The following EEF2 variants were observed in gnomAD, a reference collection of about 807,000 sequenced individuals.
EEF2 encodes eukaryotic translation elongation factor 2.
EEF2 carries 21 observed loss-of-function variants against 85.3 expected under a neutral mutation model. The observed-to-expected ratio is 0.25, with a 90% CI of 0.17 to 0.35. The LOEUF (loss-of-function observed/expected upper bound fraction) is 0.35, where lower values mean the gene tolerates loss of function less well. Ranked by LOEUF, EEF2 falls within the 10% of genes least tolerant of loss-of-function variation. The pLI is 1.00. For missense variants in EEF2, 825 were observed against 1,225.3 expected, an observed-to-expected ratio of 0.67 and a Z score of 4.88; for synonymous variants, 723 against 508.8, an observed-to-expected ratio of 1.42 and a Z score of -5.67.
chr19:3,979,481 ACAGGCGGGAC>A (rs2039718718), intron 10 of EEF2, 45 bp from the exon 11 acceptor site: 2 of 1,540,348 alleles, frequency 1.3e-6, no homozygotes, highest in African/African-American at 2.7e-5. Flanking sequence ...GCGGCTCGGA[ACAGGCGGGAC>A]CAGGCTCCCA....
At position 3,977,577 on chromosome 19, in the gene EEF2, G is replaced by A. The variant is rs1313275839; in HGVS notation, c.2101C>T (p.Arg701Cys). 1.1e-5 allele frequency: 17 copies of A among 1,558,036 alleles called. No homozygotes were observed. The highest frequency in any genetic ancestry group is 6.0e-5 in the South Asian group (5 of 83,552). Reference sequence around the variant, plus strand: ...AGGGTGACGTCGTGGACGTCGAAGCGCACACCCCGCATGTTCTCCTCACAC... The same window carrying A: ...AGGGTGACGTCGTGGACGTCGAAGCACACACCCCGCATGTTCTCCTCACAC... Reference protein sequence around the residue: ...ALCEENMRGVRFDVHDVTLHA... With the variant: ...ALCEENMRGVCFDVHDVTLHA... The change falls in exon 13 of 15, where the codon CGC becomes TGC. Residue 701 changes from arginine (R) to cysteine (C), a missense_variant. By Grantham distance (180) the Arg-to-Cys change is radical. Transcript: ENST00000309311. This position sits in a 1 kb window ranked among gnomAD's most constrained non-coding sequence, Gnocchi z 5.4.
chr19:3,983,741 C>G, intron 2 of EEF2: 2 of 321,930 alleles, frequency 6.2e-6, no homozygotes, highest in South Asian at 6.9e-5. Context: ...TCTGCGCTCC[C>G]CCTACTCATA....
rs1319502439 is a variant in EEF2, at chr19:3,979,668, T to C, written c.1605+140A>G. 3.0e-6 allele frequency: 4 copies of C among 1,349,646 alleles called. No homozygotes were observed. The Admixed American group carries it at 8.3e-5, about 28-fold the overall frequency. 83.6% of individuals were successfully genotyped at this position (1,349,646 alleles called of 1,614,324 possible). On this transcript the variant is annotated intron_variant, in intron 10 of 14. Coordinates refer to ENST00000309311, the MANE Select transcript of EEF2 (RefSeq NM_001961.4). ...GGCTGCCTGGGCAGGAGTCTCCATT[T>C]ACAGCCACAGCCAAGAACCCCTCCT...
intron 2 of EEF2, 77 bp downstream of exon 2, chr19:3,984,059 G>A (rs1257535498): frequency 2.5e-5 from 38 of 1,520,402 alleles, no homozygotes; most frequent in South Asian, 1.2e-4. Context: ...GTCTCTCCCC[G>A]CGCACCCTGG....
At chr19:3,979,769 T>A in intron 10 of EEF2, 39 bp downstream of exon 10, 2 of 1,596,640 alleles carry the variant, frequency 1.3e-6, no homozygotes, top group Non-Finnish European at 8.5e-7. Context: ...CCGTCCCCCC[T>A]CAGGGTGTCT....
rs770108129 is a variant in EEF2 at position 3,981,426 on chromosome 19, C to T, written c.924G>A (p.Lys308=). Residue 308 remains lysine, a synonymous_variant, in exon 7 of 15, where the codon AAG becomes AAA. Transcript: ENST00000309311. The stretch of plus-strand genomic sequence containing the variant: ...CTATCAGTTTTGCTGTCTCCTCTTT[C>T]TTGAAATTCATGATCGCATCAAACA... ...FKVFDAIMNF[K]KEETAKLIEK... 5 of 1,614,196 alleles carry T rather than the reference C, an allele frequency of 3.1e-6. No homozygotes were observed. Among genetic ancestry groups the T allele is most frequent in the Non-Finnish European group, 4.2e-6 (5 of 1,180,028 alleles).
In EEF2 at chr19:3,977,115, C is replaced by A. The variant is rs2039688067; in HGVS notation, c.2383+100G>T. 7 of 1,513,308 alleles carry A rather than the reference C, an allele frequency of 4.6e-6. No individual in the cohort carries two copies. Among genetic ancestry groups the A allele is most frequent in the South Asian group, 1.2e-5 (1 of 80,086 alleles). 93.7% of individuals were successfully genotyped at this position (1,513,308 alleles called of 1,614,324 possible). A position where few individuals can be genotyped will look rare whatever the true frequency, so the allele number is the denominator to read the frequency against. ...ACCTGCTCCATCCATCACCTGCTCC[C>A]ATCAGGACGCCTCCTTTAACACCTT... is the stretch of plus-strand genomic sequence containing the variant. On this transcript the variant is annotated intron_variant, in intron 14 of 14. Coordinates refer to ENST00000309311, the MANE Select transcript of EEF2 (RefSeq NM_001961.4). The surrounding 1 kb of genome is among the most constrained non-coding windows in gnomAD (Gnocchi z 5.4).
In EEF2 at chr19:3,976,069, A is replaced by C. The variant is rs2039676177; in HGVS notation, c.*485T>G. 5.9e-6 allele frequency: 1 copy of C among 169,324 alleles called. No individual in the cohort carries two copies. Among genetic ancestry groups the C allele is most frequent in the Non-Finnish European group, 1.3e-5 (1 of 77,800 alleles). The allele number at this position is 169,324 out of a possible 1,614,324, so 10.5% of individuals were successfully genotyped here. A position where few individuals can be genotyped will look rare whatever the true frequency, so the allele number is the denominator to read the frequency against. On this transcript the variant is annotated 3_prime_UTR_variant, in exon 15 of 15. Coordinates refer to ENST00000309311, the MANE Select transcript of EEF2 (RefSeq NM_001961.4). ...TGCAGAACAGAGTCACCACCTTATCAAATTTATTATTCCAATGGCACTAGT... is the reference window on the plus strand; with the variant it reads ...TGCAGAACAGAGTCACCACCTTATCCAATTTATTATTCCAATGGCACTAGT...
chr19:3,984,662 G>T (rs909758398), intron 1 of EEF2: 7 of 343,374 alleles, frequency 2.0e-5, no homozygotes, highest in Non-Finnish European at 2.7e-5. Flanking sequence ...GGCCAAACAC[G>T]TAAGGGATGA....
Position 3,976,151 on chromosome 19 carries a change from T to G in EEF2, c.*403A>C, listed in dbSNP as rs756486689. ...AGGACTTCCTGCCTGCTAGAAATCA[T>G]CTACCCGCGTGTTCCTTTCCCCTTT... On this transcript the variant is annotated 3_prime_UTR_variant, in exon 15 of 15. Coordinates refer to ENST00000309311, the MANE Select transcript of EEF2 (RefSeq NM_001961.4). The G allele has an allele frequency of 4.5e-6, 1 of 223,620 alleles. No individual in the cohort carries two copies. The highest frequency in any genetic ancestry group is 2.4e-5 in the African/African-American group (1 of 42,390). 13.9% of individuals were successfully genotyped at this position (223,620 alleles called of 1,614,324 possible).
chr19:3,979,879 T>C lies in EEF2; in HGVS notation c.1534A>G (p.Lys512Glu). Residue 512 changes from lysine to glutamate, a missense_variant, in exon 10 of 15, where the codon AAG becomes GAG. Physicochemically the swap from Lys to Glu is moderately conservative, Grantham distance 56. Coordinates refer to ENST00000309311, the MANE Select transcript of EEF2 (RefSeq NM_001961.4). Reference protein sequence around the residue: ...SPVVRVAVEAKNPADLPKLVE... With the variant: ...SPVVRVAVEAENPADLPKLVE... ...AGCTTGGGCAGGTCAGCCGGGTTCTTGGCCTCCACGGCCACTCTGACAACA... is the reference window on the plus strand; with the variant it reads ...AGCTTGGGCAGGTCAGCCGGGTTCTCGGCCTCCACGGCCACTCTGACAACA... The C allele has an allele frequency of 6.2e-7, 1 of 1,613,848 alleles. No homozygotes were observed. The highest frequency in any genetic ancestry group is 8.5e-7 in the Non-Finnish European group (1 of 1,180,044).
intron 10 of EEF2, 150 bp downstream of exon 10, chr19:3,979,658 A>T: frequency 8.0e-7 from 1 of 1,249,978 alleles, no homozygotes; most frequent in South Asian, 1.4e-5. Context: ...CCTGGGCAGG[A>T]GTCTCCATTT....
chr19:3,981,560 G>A (rs987050348), intron 6 of EEF2, 108 bp from the exon 7 acceptor site: 20 of 1,058,184 alleles, frequency 1.9e-5, no homozygotes, highest in African/African-American at 3.1e-5. Flanking sequence ...GACGCAGCAC[G>A]GGAGCAGGAG....
Position 3,980,674 on chromosome 19 carries a change from T to C in EEF2, c.1186A>G (p.Met396Val). The change falls in exon 9 of 15, where the codon ATG becomes GTG. Residue 396 changes from methionine (M) to valine (V), a missense_variant. Met to Val is a conservative substitution (Grantham distance 21). Transcript: ENST00000309311. Reference protein sequence around the residue: ...KSCDPKGPLMMYISKMVPTSD... With the variant: ...KSCDPKGPLMVYISKMVPTSD... Reference sequence around the variant, plus strand: ...GTTGGCACCATTTTGGAAATATACATCATAAGAGGGCCTTTGGGGTCACAG... The same window carrying C: ...GTTGGCACCATTTTGGAAATATACACCATAAGAGGGCCTTTGGGGTCACAG... The C allele has an allele frequency of 6.2e-7, 1 of 1,614,032 alleles. No individual in the cohort carries two copies. Among genetic ancestry groups the C allele is most frequent in the Non-Finnish European group, 8.5e-7 (1 of 1,179,982 alleles).
At chr19:3,981,261 C>T (rs2039742398) in intron 7 of EEF2, 78 bp downstream of exon 7, 1 of 1,430,338 alleles carries the variant, frequency 7.0e-7, no homozygotes, top group Non-Finnish European at 9.8e-7. Context: ...GACTTCAGCC[C>T]CCAGGCCTGG....
Position 3,982,619 on chromosome 19 carries a change from G to A in EEF2, c.612+188C>T, listed in dbSNP as rs2305109. On this transcript the variant is annotated intron_variant, in intron 4 of 14. Coordinates refer to ENST00000309311, the MANE Select transcript of EEF2 (RefSeq NM_001961.4). ...ACCCAGGGCAGCGTTCCCTGAGCTC[G>A]TCTCTTCCAGCTGCCCAAAGATCAA... is the stretch of plus-strand genomic sequence containing the variant. The A allele has an allele frequency of 1.0e-3, 1,096 of 1,048,812 alleles. 13 individuals carry two copies. In the East Asian group the frequency reaches 0.015, roughly 15 times the overall value. The allele number at this position is 1,048,812 out of a possible 1,614,324, so 65.0% of individuals were successfully genotyped here.
chr19:3,979,618 G>A (rs533341203), intron 10 of EEF2, among the ~76,000 whole-genome samples, 182 bp from the exon 11 acceptor site: 83 of 152,346 alleles, frequency 5.4e-4, no homozygotes, highest in African/African-American at 1.7e-3. Flanking sequence ...GTGAACACGC[G>A]CAGAGCAGCC....
intron 4 of EEF2, 37 bp from the exon 5 acceptor site, chr19:3,982,461 CCCTGCGCAGAG>C (rs1568201922): frequency 1.2e-6 from 2 of 1,613,248 alleles, no homozygotes; most frequent in Admixed American, 3.3e-5. Flanking sequence ...CCGTGAGGGC[CCCTGCGCAGAG>C]CCTGAAGCTA....
chr19:3,984,457 T>TG lies in EEF2; in HGVS notation c.4-108dup, dbSNP rs1174997362. ...AGCATGCCCAAGGCCAGGAGGGGGT[T>TG]GGTGCTGGGGTGCCCCAAGCCCACC... On this transcript the variant is annotated intron_variant, in intron 1 of 14. Coordinates refer to ENST00000309311, the MANE Select transcript of EEF2 (RefSeq NM_001961.4). 5.5e-6 allele frequency: 7 copies of TG among 1,277,072 alleles called. No homozygotes were observed. In the Admixed American group the frequency reaches 7.2e-5, roughly 13 times the overall value. 79.1% of individuals were successfully genotyped at this position (1,277,072 alleles called of 1,614,324 possible).
Sources: allele counts gnomAD v4.1 joint callset (sites outside exome capture counted in the v4.1 genomes callset), GRCh38; gene constraint gnomAD v4.1.1; non-coding constraint Gnocchi (gnomAD v3.1); transcripts MANE v1.5; gene names NCBI Gene and HGNC (gene_info 2026-07-23, HGNC 2026-07-21).